TENM4: variants seen among roughly 807,000 people sequenced by gnomAD.
TENM4 encodes teneurin transmembrane protein 4.
A neutral mutation model predicts 243.3 loss-of-function variants in TENM4; 82 were observed. That is an observed-to-expected ratio of 0.34 (90% CI 0.28 to 0.40). The LOEUF (loss-of-function observed/expected upper bound fraction) is 0.40, where lower values mean the gene tolerates loss of function less well. Ranked by LOEUF, TENM4 falls within the 10% of genes least tolerant of loss-of-function variation. TENM4 has a pLI of 1.00. For synonymous variants in TENM4, 1,412 were observed against 1,456.3 expected, an observed-to-expected ratio of 0.97 and a Z score of 0.69; for missense variants, 3,138 against 3,673.3, an observed-to-expected ratio of 0.85 and a Z score of 3.77.
rs1450760004 is a variant in TENM4 at position 78,821,269 on chromosome 11, G to A, written c.1682-6874C>T. Among the ~76,000 whole-genome samples, 3 of 152,228 alleles carry A rather than the reference G, an allele frequency of 2.0e-5. No individual in the cohort carries two copies. In the East Asian group the frequency reaches 5.8e-4, roughly 29 times the overall value. On this transcript the variant is annotated intron_variant, in intron 12 of 33. Transcript: ENST00000278550. Reference sequence around the variant, plus strand: ...CAAACCAAATTTTACCAATAAGACTGTGAACTCCTTCAACACAGCCATTAT... The same window carrying A: ...CAAACCAAATTTTACCAATAAGACTATGAACTCCTTCAACACAGCCATTAT...
At chr11:78,727,490 C>T (rs1855543646) in intron 22 of TENM4, among the ~76,000 whole-genome samples, 1 of 151,406 alleles carries the variant, frequency 6.6e-6, no homozygotes, top group Non-Finnish European at 1.5e-5. Flanking sequence ...TATTTGTTTA[C>T]AGAATCACAT....
At chr11:78,908,701 A>G (rs1856118210) in intron 6 of TENM4, among the ~76,000 whole-genome samples, 1 of 152,230 alleles carries the variant, frequency 6.6e-6, no homozygotes, top group African/African-American at 2.4e-5. Context: ...AACCAGACAC[A>G]TGGGCTCACC....
intron 1 of TENM4, among the ~76,000 whole-genome samples, chr11:79,381,674 G>C (rs1281786024): frequency 2.0e-5 from 3 of 151,336 alleles, no homozygotes; most frequent in Non-Finnish European, 4.4e-5. Flanking sequence ...TGTGATATCC[G>C]ACGTTCACTT....
chr11:79,012,000 TG>T (rs1344432688), intron 6 of TENM4, among the ~76,000 whole-genome samples: 1 of 152,148 alleles, frequency 6.6e-6, no homozygotes, highest in Non-Finnish European at 1.5e-5. Flanking sequence ...ATGTAAAAGT[TG>T]GTGGGCAGCA....
intron 6 of TENM4, among the ~76,000 whole-genome samples, chr11:79,019,835 G>A (rs1446580983): frequency 1.3e-5 from 2 of 152,154 alleles, no homozygotes; most frequent in African/African-American, 2.4e-5. Context: ...TCCCCTCCAA[G>A]CAAGATTCCT....
intron 6 of TENM4, among the ~76,000 whole-genome samples, chr11:79,016,799 C>T (rs1858785937): frequency 6.6e-6 from 1 of 152,192 alleles, no homozygotes; most frequent in African/African-American, 2.4e-5. Flanking sequence ...TTTGGTTCAT[C>T]AAAAGACCCC....
rs78165653 is a variant in TENM4, at chr11:79,233,947, G to A, written c.-264-18038C>T. Among the ~76,000 whole-genome samples, 21 of 152,306 alleles carry A rather than the reference G, an allele frequency of 1.4e-4. No homozygotes were observed. In the East Asian group the frequency reaches 4.1e-3, roughly 29 times the overall value. ...CACCTCCCACATGGCTGTGTGAGGG[G>A]AAGCATGCAGTTACCTCTGCAGTGT... On this transcript the variant is annotated intron_variant, in intron 2 of 33. Coordinates refer to ENST00000278550, the MANE Select transcript of TENM4 (RefSeq NM_001098816.3).
intron 6 of TENM4, among the ~76,000 whole-genome samples, chr11:79,051,023 C>T (rs776914836): frequency 9.2e-5 from 14 of 152,324 alleles, no homozygotes; most frequent in Non-Finnish European, 1.3e-4. Flanking sequence ...ATCCCATCTC[C>T]TCCATGGGCC....
intron 9 of TENM4, among the ~76,000 whole-genome samples, chr11:78,889,054 C>T (rs1855606300): frequency 6.6e-6 from 1 of 152,198 alleles, no homozygotes; most frequent in South Asian, 2.1e-4. Flanking sequence ...ACAAATTCAT[C>T]AGAAGACTGC....
chr11:78,697,852 T>C (rs1390347969), intron 28 of TENM4, among the ~76,000 whole-genome samples: 1 of 152,174 alleles, frequency 6.6e-6, no homozygotes, highest in African/African-American at 2.4e-5. Context: ...CTCATACTTA[T>C]GAGGCCATTT....
chr11:78,822,089 T>A (rs1188589804), intron 12 of TENM4, among the ~76,000 whole-genome samples: 1 of 152,166 alleles, frequency 6.6e-6, no homozygotes, highest in Non-Finnish European at 1.5e-5. Context: ...ATATTTTCAG[T>A]CGCTGGATGT....
intron 1 of TENM4, among the ~76,000 whole-genome samples, chr11:79,317,293 C>T (rs1590874869): frequency 6.6e-6 from 1 of 152,168 alleles, no homozygotes; most frequent in African/African-American, 2.4e-5. Context: ...CCAGCCTATC[C>T]TCCATAATGA....
chr11:79,187,374 T>A (rs1397956810), intron 3 of TENM4, among the ~76,000 whole-genome samples: 1 of 152,112 alleles, frequency 6.6e-6, no homozygotes, highest in Non-Finnish European at 1.5e-5. Context: ...TGTCCACAAC[T>A]CCTGCTCAAC....
Position 78,656,097 on chromosome 11 carries a change from T to C in TENM4, c.*1961A>G, listed in dbSNP as rs1029717959. 6.6e-6 allele frequency: 1 copy of C among 152,048 alleles called. No homozygotes were observed. The highest frequency in any genetic ancestry group is 1.5e-5 in the Non-Finnish European group (1 of 68,028). 9.4% of individuals were successfully genotyped at this position (152,048 alleles called of 1,614,324 possible). ...GGGATGACGTTAAGGCGAAATCTCC[T>C]CTCCCCAAGAAGTTTTGGTTGCCTC... On this transcript the variant is annotated 3_prime_UTR_variant, in exon 34 of 34. Transcript: ENST00000278550.
At chr11:79,402,478 C>G (rs1031483567) in intron 1 of TENM4, among the ~76,000 whole-genome samples, 62 of 152,124 alleles carry the variant, frequency 4.1e-4, no homozygotes, top group African/African-American at 1.4e-3. Context: ...TGCTAAGAGT[C>G]CTTTTCTTAT....
intron 6 of TENM4, among the ~76,000 whole-genome samples, chr11:79,007,569 C>T (rs1318281491): frequency 6.6e-6 from 1 of 152,118 alleles, no homozygotes; most frequent in Non-Finnish European, 1.5e-5. Context: ...TGCTAAGAGG[C>T]TGCGGAGACC....
intron 1 of TENM4, among the ~76,000 whole-genome samples, chr11:79,336,335 G>T (rs1857147961): frequency 6.6e-6 from 1 of 152,130 alleles, no homozygotes; most frequent in Admixed American, 6.5e-5. Context: ...CTTCTGATCG[G>T]TTAAATGGGA....
At chr11:79,217,356 A>G (rs1047742128) in intron 2 of TENM4, among the ~76,000 whole-genome samples, 1 of 152,210 alleles carries the variant, frequency 6.6e-6, no homozygotes, top group East Asian at 1.9e-4. Context: ...TTATTATACA[A>G]GAGACCTACT....
At chr11:78,778,483 C>A in intron 17 of TENM4, 119 bp downstream of exon 17, 1 of 1,144,884 alleles carries the variant, frequency 8.7e-7, no homozygotes, top group Non-Finnish European at 1.2e-6. Context: ...GATGCATTAG[C>A]TTCCAGACAT....
Sources: allele counts gnomAD v4.1 joint callset (sites outside exome capture counted in the v4.1 genomes callset), GRCh38; gene constraint gnomAD v4.1.1; transcripts MANE v1.5; gene names NCBI Gene and HGNC (gene_info 2026-07-23, HGNC 2026-07-21).